ST18: variants seen among roughly 807,000 people sequenced by gnomAD.
The protein encoded by ST18 is ST18 C2H2C-type zinc finger transcription factor.
In ST18, 50 loss-of-function variants were observed where a neutral mutation model predicts 110.0. The ratio of observed to expected loss-of-function variants is 0.45; its 90% CI spans 0.36 to 0.58. The LOEUF (loss-of-function observed/expected upper bound fraction) is 0.58. Among genes scored for constraint, ST18 ranks in the 20% least tolerant of loss-of-function variants. ST18 has a pLI of 0.00. For synonymous variants in ST18, 461 were observed against 452.4 expected (o/e 1.02, Z -0.24); for missense variants, 1,306 against 1,280.1 (o/e 1.02, Z -0.31).
At chr8:52,220,422 G>A (rs1223147031) in intron 5 of ST18, 1 of 152,072 alleles carries the variant, frequency 6.6e-6, no homozygotes, top group Non-Finnish European at 1.5e-5. Flanking sequence ...TTTCTAACAC[G>A]AATGTAAACT....
intron 2 of ST18, among the ~76,000 whole-genome samples, chr8:52,336,193 G>A (rs999040919): frequency 1.3e-5 from 2 of 152,082 alleles, no homozygotes; most frequent in South Asian, 2.1e-4. Context: ...CTGTTGCCCA[G>A]GCTGGAGGGC....
At chr8:52,193,425 A>T (rs911519358) in intron 8 of ST18, among the ~76,000 whole-genome samples, 3 of 152,190 alleles carry the variant, frequency 2.0e-5, no homozygotes, top group Admixed American at 2.0e-4. Context: ...GGGACAGCCC[A>T]TATTCACACT....
chr8:52,261,266 G>C (rs546237994), intron 2 of ST18, among the ~76,000 whole-genome samples: 27 of 152,280 alleles, frequency 1.8e-4, no homozygotes, highest in African/African-American at 6.5e-4. Context: ...ATCATGACCA[G>C]GGGCTATTTT....
At chr8:52,268,950 G>T (rs2094977859) in intron 2 of ST18, among the ~76,000 whole-genome samples, 1 of 152,204 alleles carries the variant, frequency 6.6e-6, no homozygotes, top group Non-Finnish European at 1.5e-5. Context: ...GAACACAGCG[G>T]GCAGTGCCCT....
chr8:52,147,767 G>A (rs991270945), intron 16 of ST18, among the ~76,000 whole-genome samples: 4 of 152,168 alleles, frequency 2.6e-5, no homozygotes, highest in East Asian at 1.9e-4. Context: ...CAAGGGTCAG[G>A]TTTCCCTTTA....
chr8:52,162,267 G>A (rs1203833341), intron 13 of ST18, among the ~76,000 whole-genome samples: 2 of 152,146 alleles, frequency 1.3e-5, no homozygotes, highest in East Asian at 3.9e-4. Flanking sequence ...GTGCTGACAA[G>A]GTGTGCACAT....
intron 9 of ST18, among the ~76,000 whole-genome samples, chr8:52,176,591 T>G (rs2067051378): frequency 6.6e-6 from 1 of 152,180 alleles, no homozygotes; most frequent in South Asian, 2.1e-4. Flanking sequence ...GGAGCTGGGA[T>G]GATTTCTAGA....
In ST18 at chr8:52,276,095, C is replaced by T. The variant is rs1026261179; in HGVS notation, c.-464-46018G>A. On this transcript the variant is annotated intron_variant, in intron 2 of 25. Transcript: ENST00000689386. Reference sequence around the variant, plus strand: ...CATCACACATGTAAGCCACACACCACACACATGAAACACACACCGCACCTA... The same window carrying T: ...CATCACACATGTAAGCCACACACCATACACATGAAACACACACCGCACCTA... Among the ~76,000 whole-genome samples, 75 of 134,786 alleles carry T rather than the reference C, an allele frequency of 5.6e-4. 1 individual carries two copies. Among genetic ancestry groups the T allele is most frequent in the Middle Eastern group, 9.3e-3 (2 of 216 alleles). The allele number at this position is 134,786 out of a possible 152,430, so 88.4% of individuals were successfully genotyped here.
intron 2 of ST18, among the ~76,000 whole-genome samples, chr8:52,316,968 C>T (rs777706631): frequency 6.6e-6 from 1 of 152,208 alleles, no homozygotes; most frequent in Non-Finnish European, 1.5e-5. Flanking sequence ...AAGCCTTCAT[C>T]TCTACCCAAT....
chr8:52,154,428 AAAC>A, intron 15 of ST18: 1 of 152,412 alleles, frequency 6.6e-6, no homozygotes, highest in East Asian at 1.9e-4. Context: ...ACACCAAAAC[AAAC>A]AACAGAATGC....
intron 2 of ST18, among the ~76,000 whole-genome samples, chr8:52,255,220 T>C (rs1207093576): frequency 6.6e-6 from 1 of 152,166 alleles, no homozygotes; most frequent in Non-Finnish European, 1.5e-5. Context: ...TGACTGGCTG[T>C]CGGGATTGGA....
Position 52,176,206 on chromosome 8 carries a change from G to A in ST18, c.278-3623C>T, listed in dbSNP as rs529392781. Among the ~76,000 whole-genome samples, 524 of 152,128 alleles carry A rather than the reference G, an allele frequency of 3.4e-3. 3 individuals carry two copies. Among genetic ancestry groups the A allele is most frequent in the Middle Eastern group, 0.024 (7 of 294 alleles). On this transcript the variant is annotated intron_variant, in intron 9 of 25. Transcript: ENST00000689386. ...CCGGCTAATATTTTTTGTATTTTTA[G>A]TAGAGATGGGGTTTCAGCATGTAGG...
In ST18 at chr8:52,172,600, C is replaced by G; in HGVS notation, c.278-17G>C. On this transcript the variant is annotated splice_polypyrimidine_tract_variant and intron_variant, in intron 9 of 25. Coordinates refer to ENST00000689386, the MANE Select transcript of ST18 (RefSeq NM_001352837.2). ...TGATTTCCTCTATGGAAAAAGAAAA[C>G]CAATATTTGAAGAGCAAGAACAAAA... 1 of 1,530,148 alleles carries G rather than the reference C, an allele frequency of 6.5e-7. No homozygotes were observed. The highest frequency in any genetic ancestry group is 8.7e-7 in the Non-Finnish European group (1 of 1,144,054). 94.8% of individuals were successfully genotyped at this position (1,530,148 alleles called of 1,614,324 possible).
rs185893103 is a variant in ST18 at position 52,288,181 on chromosome 8, A to T, written c.-464-58104T>A. 3.9e-3 allele frequency among the ~76,000 whole-genome samples: 591 copies of T among 152,318 alleles called. 4 individuals are homozygous for T. Among genetic ancestry groups the T allele is most frequent in the African/African-American group, 0.014 (564 of 41,574 alleles). ...GTCCCTTCCATGGGACAACCAGTTC[A>T]TCCCTTGGTATTACCCTGAGTAGCA... On this transcript the variant is annotated intron_variant, in intron 2 of 25. Transcript: ENST00000689386.
chr8:52,149,862 G>A lies in ST18; in HGVS notation c.1922C>T (p.Ser641Phe), dbSNP rs752633915. The change falls in exon 16 of 26, where the codon TCC (serine) becomes TTC (phenylalanine). Residue 641 changes from serine to phenylalanine, a missense_variant. Coordinates refer to ENST00000689386, the MANE Select transcript of ST18 (RefSeq NM_001352837.2). Reference sequence around the variant, plus strand: ...GCTGCTTGTTTTGAATGGGGAAGAGGAAGGAGTTGGAATAGAAGTGTTAGA... The same window carrying A: ...GCTGCTTGTTTTGAATGGGGAAGAGAAAGGAGTTGGAATAGAAGTGTTAGA... ...TSSNTSIPTP[S>F]SSPFKTSSIL... The A allele has an allele frequency of 1.1e-5, 17 of 1,614,084 alleles. No homozygotes were observed. The highest frequency in any genetic ancestry group is 1.4e-5 in the Non-Finnish European group (17 of 1,180,032).
chr8:52,219,505 T>C (rs946809830), intron 5 of ST18, among the ~76,000 whole-genome samples: 1 of 152,240 alleles, frequency 6.6e-6, no homozygotes, highest in African/African-American at 2.4e-5. Context: ...TGCTCTGTTC[T>C]TGTATGCCTC....
At chr8:52,146,544 A>G (rs1482561072) in intron 16 of ST18, among the ~76,000 whole-genome samples, 2 of 150,432 alleles carry the variant, frequency 1.3e-5, no homozygotes, top group Non-Finnish European at 3.0e-5. Flanking sequence ...CAACAACTTT[A>G]CCCCCCTCAC....
At chr8:52,182,168 A>G (rs985125095) in intron 8 of ST18, among the ~76,000 whole-genome samples, 7 of 152,242 alleles carry the variant, frequency 4.6e-5, no homozygotes, top group South Asian at 2.1e-4. Flanking sequence ...TCTAAAAATC[A>G]TAGTAATTGA....
intron 2 of ST18, among the ~76,000 whole-genome samples, chr8:52,276,947 A>T (rs183676557): frequency 1.3e-5 from 2 of 152,148 alleles, no homozygotes; most frequent in Admixed American, 1.3e-4. Flanking sequence ...TTGTATTTTT[A>T]GTAGAGACGG....
Sources: allele counts gnomAD v4.1 joint callset (sites outside exome capture counted in the v4.1 genomes callset), GRCh38; gene constraint gnomAD v4.1.1; transcripts MANE v1.5; gene names NCBI Gene and HGNC (gene_info 2026-07-23, HGNC 2026-07-21).